KDM5B: variants seen among roughly 807,000 people sequenced by gnomAD.
KDM5B encodes the protein lysine-specific demethylase 5B.
Under a neutral mutation model 193.4 loss-of-function variants are expected in KDM5B, and 144 were observed. That is an observed-to-expected ratio of 0.74 (90% CI 0.65 to 0.86). The LOEUF (loss-of-function observed/expected upper bound fraction) is 0.86, where lower values mean the gene tolerates loss of function less well. KDM5B is among the 40% of genes least tolerant of loss of function. KDM5B has a pLI of 0.00. For synonymous variants in KDM5B, 668 were observed against 682.6 expected, an observed-to-expected ratio of 0.98 and a Z score of 0.33; for missense variants, 1,833 against 1,886.9, an observed-to-expected ratio of 0.97 and a Z score of 0.53.
At chr1:202,731,524 A>C (rs983199691) in intron 24 of KDM5B, among the ~76,000 whole-genome samples, 1 of 152,224 alleles carries the variant, frequency 6.6e-6, no homozygotes, top group African/African-American at 2.4e-5. Context: ...AAGTCTCCTA[A>C]GTAATGAAGC....
chr1:202,758,188 T>C (rs1243457126), intron 9 of KDM5B, among the ~76,000 whole-genome samples: 1 of 152,234 alleles, frequency 6.6e-6, no homozygotes, highest in African/African-American at 2.4e-5. Flanking sequence ...GAGGTATCTT[T>C]AGAGAAATTC....
intron 1 of KDM5B, among the ~76,000 whole-genome samples, chr1:202,792,098 C>A (rs1263443979): frequency 6.6e-6 from 1 of 152,126 alleles, no homozygotes; most frequent in African/African-American, 2.4e-5. Flanking sequence ...TTCAACAGAG[C>A]TGATAAAAAG....
chr1:202,726,412 C>T lies in KDM5B; in HGVS notation c.*2624G>A, dbSNP rs1212203015. ...GGATAGAGGCTACATATAATCAAGC[C>T]CTTTATTCTATATAAGAAATCCCCC... On this transcript the variant is annotated 3_prime_UTR_variant, in exon 27 of 27. Coordinates refer to ENST00000367265, the MANE Select transcript of KDM5B (RefSeq NM_006618.5). 6.6e-6 allele frequency: 1 copy of T among 152,262 alleles called. No individual in the cohort carries two copies. The highest frequency in any genetic ancestry group is 2.4e-5 in the African/African-American group (1 of 41,534). The allele number at this position is 152,262 out of a possible 1,614,324, so 9.4% of individuals were successfully genotyped here.
intron 16 of KDM5B, among the ~76,000 whole-genome samples, 167 bp from the exon 17 acceptor site, chr1:202,742,972 GT>G (rs1655407236): frequency 6.6e-6 from 1 of 152,126 alleles, no homozygotes; most frequent in Admixed American, 6.5e-5. Context: ...TTTTTGCAGG[GT>G]GGTGGCTGAA....
intron 11 of KDM5B, among the ~76,000 whole-genome samples, chr1:202,754,835 C>T: frequency 6.6e-6 from 1 of 152,160 alleles, no homozygotes; most frequent in East Asian, 1.9e-4. Context: ...TAGGTGCTCA[C>T]CACCACACCC....
chr1:202,748,582 G>A (rs1386418486), intron 14 of KDM5B, among the ~76,000 whole-genome samples: 1 of 151,814 alleles, frequency 6.6e-6, no homozygotes, highest in Non-Finnish European at 1.5e-5. Context: ...AAAAAATAAA[G>A]GGCAAGCCGG....
intron 1 of KDM5B, among the ~76,000 whole-genome samples, chr1:202,779,406 G>C (rs1465115956): frequency 1.3e-5 from 2 of 151,962 alleles, no homozygotes; most frequent in Non-Finnish European, 2.9e-5. Context: ...GTGAACCCGG[G>C]AGGCGGAGTT....
intron 11 of KDM5B, among the ~76,000 whole-genome samples, chr1:202,753,676 T>G (rs373047810): frequency 3.4e-4 from 18 of 53,048 alleles, no homozygotes; most frequent in Admixed American, 1.5e-3. Flanking sequence ...TTTTTTTTTG[T>G]TTTTTTTTTT....
Position 202,752,966 on chromosome 1 carries a change from TC to T in KDM5B, c.1639del (p.Asp547IlefsTer7). ...LAPELFVSQPDLLHQLVTIMN... is the reference protein window; with the variant it reads ...LAPELFVSQPXLLHQLVTIMN... ...GATGGTCACAAGCTGATGGAGGAGATCCGGCTGGGACACAAAGAGTTCTGGA... is the reference window on the plus strand; with the variant it reads ...GATGGTCACAAGCTGATGGAGGAGATCGGCTGGGACACAAAGAGTTCTGGA... On this transcript the variant is annotated frameshift_variant, in exon 12 of 27. Coordinates refer to ENST00000367265, the MANE Select transcript of KDM5B (RefSeq NM_006618.5). LOFTEE classifies it high-confidence loss of function. The T allele has an allele frequency of 6.2e-7, 1 of 1,614,094 alleles. No homozygotes were observed. Among genetic ancestry groups the T allele is most frequent in the Non-Finnish European group, 8.5e-7 (1 of 1,180,002 alleles).
chr1:202,747,384 TC>T (rs149847971), intron 14 of KDM5B, among the ~76,000 whole-genome samples: 78 of 152,202 alleles, frequency 5.1e-4, no homozygotes, highest in African/African-American at 1.8e-3. Flanking sequence ...GGAAAAAGTC[TC>T]AGAGTTCTAA....
intron 5 of KDM5B, among the ~76,000 whole-genome samples, chr1:202,764,858 T>C (rs1435244517): frequency 6.6e-6 from 1 of 152,102 alleles, no homozygotes; most frequent in African/African-American, 2.4e-5. Flanking sequence ...ACACCTGTGG[T>C]CCCAGCTACT....
chr1:202,738,691 CT>C (rs1001790817), intron 20 of KDM5B, among the ~76,000 whole-genome samples: 9 of 149,736 alleles, frequency 6.0e-5, no homozygotes, highest in Non-Finnish European at 8.9e-5. Context: ...GAACTTGAGA[CT>C]TTTTTTTTTC....
chr1:202,792,134 C>A (rs1657664680), intron 1 of KDM5B, among the ~76,000 whole-genome samples: 1 of 152,104 alleles, frequency 6.6e-6, no homozygotes, highest in Non-Finnish European at 1.5e-5. Flanking sequence ...TGTAGTAGAA[C>A]TGAGAAATTT....
chr1:202,772,712 C>T (rs1006010296), intron 4 of KDM5B, among the ~76,000 whole-genome samples: 3 of 149,634 alleles, frequency 2.0e-5, no homozygotes, highest in Non-Finnish European at 3.0e-5. Flanking sequence ...TTTTTTCAGA[C>T]GGAGTCTCAG....
chr1:202,803,318 G>A (rs1400930398), intron 1 of KDM5B, among the ~76,000 whole-genome samples: 1 of 152,094 alleles, frequency 6.6e-6, no homozygotes, highest in Non-Finnish European at 1.5e-5. Flanking sequence ...CAGTGGGGGT[G>A]GGGACTCAAA....
At position 202,729,006 on chromosome 1, in the gene KDM5B, T is replaced by A. The variant is rs778274545; in HGVS notation, c.*30A>T. On this transcript the variant is annotated 3_prime_UTR_variant, in exon 27 of 27. Coordinates refer to ENST00000367265, the MANE Select transcript of KDM5B (RefSeq NM_006618.5). ...CTCTTGGTTGGAGTCCTGAATTACATTAAGTAGGGGGGTATCTGTTTTTGT... is the reference window on the plus strand; with the variant it reads ...CTCTTGGTTGGAGTCCTGAATTACAATAAGTAGGGGGGTATCTGTTTTTGT... 10 of 1,613,554 alleles carry A rather than the reference T, an allele frequency of 6.2e-6. No individual in the cohort carries two copies. In the South Asian group the frequency reaches 1.1e-4, roughly 18 times the overall value.
chr1:202,754,830 G>A (rs1655944418), intron 11 of KDM5B, among the ~76,000 whole-genome samples: 1 of 152,118 alleles, frequency 6.6e-6, no homozygotes, highest in Non-Finnish European at 1.5e-5. Context: ...GATTATAGGT[G>A]CTCACCACCA....
intron 5 of KDM5B, among the ~76,000 whole-genome samples, chr1:202,766,055 T>G (rs1215662391): frequency 4.6e-5 from 7 of 152,224 alleles, no homozygotes; most frequent in Admixed American, 3.9e-4. Flanking sequence ...ATTAAAAATT[T>G]TTTTTTAATT....
intron 26 of KDM5B, 158 bp downstream of exon 26, chr1:202,729,549 G>GT (rs1290420929): frequency 3.1e-6 from 2 of 643,140 alleles, no homozygotes; most frequent in Non-Finnish European, 5.3e-6. Flanking sequence ...AGGAACGATG[G>GT]TAAGAGCACA....
Sources: gnomAD v4.1 joint callset for allele counts (sites outside exome capture counted in the v4.1 genomes callset) on GRCh38, gnomAD v4.1.1 for gene constraint, MANE v1.5 for transcripts, NCBI Gene and HGNC (gene_info 2026-07-23, HGNC 2026-07-21) for gene names.